The following RNLS variants were observed in gnomAD, a reference collection of about 807,000 sequenced individuals.
RNLS encodes the protein renalase.
Under a neutral mutation model 39.8 loss-of-function variants are expected in RNLS, and 39 were observed. The ratio of observed to expected loss-of-function variants is 0.98; its 90% confidence interval spans 0.76 to 1.28. The LOEUF is 1.28. Among genes scored for constraint, RNLS ranks in the 50% most tolerant of loss-of-function variants. The probability of loss-of-function intolerance (pLI) is 0.00; values close to 1 mark genes in which losing one functional copy is unlikely to be tolerated. For missense variants in RNLS, 410 were observed against 413.3 expected (o/e 0.99, Z 0.07); for synonymous variants, 147 against 150.7 (o/e 0.98, Z 0.18).
the RNLS span, among the ~76,000 whole-genome samples, chr10:88,263,499 G>T: frequency 0.11 from 16,412 of 152,086 alleles, 1,158 homozygotes; most frequent in East Asian, 0.2. Flanking sequence ...CCTCTCATTT[G>T]CAGGGACCCC....
At chr10:88,472,268 A>C (rs1843582529) in intron 4 of RNLS, among the ~76,000 whole-genome samples, 2 of 152,200 alleles carry the variant, frequency 1.3e-5, no homozygotes, top group African/African-American at 4.8e-5. Flanking sequence ...TGGTATTTTA[A>C]AGAGAAGAAG....
intron 4 of RNLS, among the ~76,000 whole-genome samples, chr10:88,457,111 A>C (rs184780057): frequency 1.3e-4 from 20 of 152,268 alleles, no homozygotes; most frequent in Admixed American, 1.3e-3. Flanking sequence ...GTGAAACCTC[A>C]AGAGTTTTTC....
chr10:88,347,316 C>T (rs1302000618), intron 5 of RNLS, among the ~76,000 whole-genome samples: 1 of 152,128 alleles, frequency 6.6e-6, no homozygotes, highest in Non-Finnish European at 1.5e-5. Context: ...CAAGATCCTT[C>T]AAAACAGCTC....
intron 4 of RNLS, among the ~76,000 whole-genome samples, chr10:88,549,320 C>A: frequency 6.6e-6 from 1 of 150,640 alleles, no homozygotes. Flanking sequence ...TTTGGGAGGC[C>A]AAGGAAGGGG....
At chr10:88,236,059 A>AT in the RNLS span, among the ~76,000 whole-genome samples, 1 of 152,252 alleles carries the variant, frequency 6.6e-6, no homozygotes, top group African/African-American at 2.4e-5. Flanking sequence ...TATTTATGGA[A>AT]TGATTGCTAC....
intron 4 of RNLS, among the ~76,000 whole-genome samples, chr10:88,516,140 A>G (rs1474420758): frequency 6.6e-6 from 1 of 152,056 alleles, no homozygotes; most frequent in African/African-American, 2.4e-5. Flanking sequence ...GAACCGTGAG[A>G]AAATAAATTT....
intron 4 of RNLS, among the ~76,000 whole-genome samples, chr10:88,423,845 A>G (rs1854551111): frequency 6.6e-6 from 1 of 152,182 alleles, no homozygotes; most frequent in Non-Finnish European, 1.5e-5. Flanking sequence ...TCCCCTGGAA[A>G]TACTCTCAGC....
chr10:88,529,151 C>T (rs1847275842), intron 4 of RNLS, among the ~76,000 whole-genome samples: 1 of 152,104 alleles, frequency 6.6e-6, no homozygotes, highest in South Asian at 2.1e-4. Context: ...ATCCCTCCTC[C>T]CACTCCTCAG....
intron 4 of RNLS, among the ~76,000 whole-genome samples, chr10:88,394,292 C>T (rs867039007): frequency 6.6e-6 from 1 of 152,122 alleles, no homozygotes; most frequent in African/African-American, 2.4e-5. Context: ...GCCACCTACT[C>T]ATCTCACAAA....
intron 4 of RNLS, among the ~76,000 whole-genome samples, chr10:88,452,232 T>C (rs146322397): frequency 6.6e-6 from 1 of 152,288 alleles, no homozygotes; most frequent in East Asian, 1.9e-4. Flanking sequence ...TGACTAATGA[T>C]AGTCTAGTAC....
At chr10:88,227,983 A>G in the RNLS span, among the ~76,000 whole-genome samples, 2 of 152,206 alleles carry the variant, frequency 1.3e-5, no homozygotes, top group Admixed American at 1.3e-4. Flanking sequence ...ACTGCCGGGT[A>G]TTCATCCTGG....
At chr10:88,562,469 GA>G (rs1186316680) in intron 4 of RNLS, among the ~76,000 whole-genome samples, 1 of 152,106 alleles carries the variant, frequency 6.6e-6, no homozygotes, top group Non-Finnish European at 1.5e-5. Context: ...TATATGGTTG[GA>G]ACAAAGTGTG....
At chr10:88,351,932 T>C (rs1286350367) in intron 5 of RNLS, among the ~76,000 whole-genome samples, 3 of 152,222 alleles carry the variant, frequency 2.0e-5, no homozygotes, top group Non-Finnish European at 4.4e-5. Context: ...CCCTTGTAAG[T>C]TGGCTTCCTA....
chr10:88,319,226 T>C (rs924828412), intron 5 of RNLS, among the ~76,000 whole-genome samples: 1 of 152,032 alleles, frequency 6.6e-6, no homozygotes, highest in Non-Finnish European at 1.5e-5. Context: ...CAAATGATCA[T>C]ACACAACATA....
At chr10:88,283,226 T>A (rs564468085), downstream of RNLS, among the ~76,000 whole-genome samples, 3 of 152,270 alleles carry the variant, frequency 2.0e-5, no homozygotes, top group African/African-American at 7.2e-5. Flanking sequence ...AATCTAAATG[T>A]AAAATAAGTT....
chr10:88,283,287 G>C (rs1300696747), downstream of RNLS, among the ~76,000 whole-genome samples: 1 of 152,092 alleles, frequency 6.6e-6, no homozygotes, highest in Non-Finnish European at 1.5e-5. Flanking sequence ...ATCAAGTAGG[G>C]TTTTTCCTCA....
intron 4 of RNLS, among the ~76,000 whole-genome samples, chr10:88,517,917 G>C (rs965020148): frequency 6.6e-6 from 1 of 151,898 alleles, no homozygotes; most frequent in Non-Finnish European, 1.5e-5. Flanking sequence ...CTGGCTAATG[G>C]TATTAAAACA....
At chr10:88,387,094 T>C (rs1319025807) in intron 4 of RNLS, among the ~76,000 whole-genome samples, 1 of 152,180 alleles carries the variant, frequency 6.6e-6, no homozygotes, top group Non-Finnish European at 1.5e-5. Flanking sequence ...GAACATGGAA[T>C]AGCTGTCCTC....
intron 5 of RNLS, among the ~76,000 whole-genome samples, chr10:88,319,429 C>T (rs868438469): frequency 5.9e-5 from 9 of 151,832 alleles, no homozygotes; most frequent in Middle Eastern, 3.4e-3. Flanking sequence ...TAGGTCCTAA[C>T]AAAAATGAAA....
Sources: allele counts gnomAD v4.1 joint callset (sites outside exome capture counted in the v4.1 genomes callset), GRCh38; gene constraint gnomAD v4.1.1; transcripts MANE v1.5; gene names NCBI Gene and HGNC (gene_info 2026-07-23, HGNC 2026-07-21).